Variants in IFI27L1 observed in about 807,000 individuals in gnomAD.
IFI27L1 encodes interferon alpha inducible protein 27 like 1, also known as interferon alpha-inducible protein 27-like protein 1.
A neutral mutation model predicts 9.2 loss-of-function variants in IFI27L1; 3 were observed. The ratio of observed to expected loss-of-function variants is 0.32; its 90% CI spans 0.15 to 0.84. The LOEUF (loss-of-function observed/expected upper bound fraction) is 0.84. Ranked by LOEUF, IFI27L1 falls within the 40% of genes least tolerant of loss-of-function variation. The pLI, the probability that IFI27L1 is intolerant of heterozygous loss-of-function variation, is 0.56. For synonymous variants in IFI27L1, 53 were observed against 50.0 expected (o/e 1.06, Z -0.26); for missense variants, 133 against 134.2 (o/e 0.99, Z 0.05).
At chr14:94,096,227 G>A (rs1886657943) in intron 1 of IFI27L1, among the ~76,000 whole-genome samples, 1 of 152,204 alleles carries the variant, frequency 6.6e-6, no homozygotes, top group African/African-American at 2.4e-5. Context: ...ATACAAGGCT[G>A]TTGAGGGGTT....
chr14:94,100,621 G>T (rs3818118), intron 2 of IFI27L1, 118 bp from the exon 3 acceptor site: 182,129 of 1,581,978 alleles, frequency 0.12, 14,837 homozygotes, highest in East Asian at 0.49. Context: ...TGAGTAGGGG[G>T]CTTCAGAAGA....
At chr14:94,100,865 T>A (rs1886869519) in intron 3 of IFI27L1, 94 bp downstream of exon 3, 18 of 1,364,976 alleles carry the variant, frequency 1.3e-5, no homozygotes, top group Non-Finnish European at 1.8e-5. Flanking sequence ...AAACCCAGGA[T>A]TCTCCAAGAC....
intron 1 of IFI27L1, among the ~76,000 whole-genome samples, chr14:94,083,853 G>A (rs945349359): frequency 3.9e-5 from 6 of 152,186 alleles, no homozygotes; most frequent in African/African-American, 1.4e-4. Flanking sequence ...TATCCAGGAG[G>A]CTGAAGAGGG....
In IFI27L1 at chr14:94,098,001, G is replaced by A. The variant is rs369032278; in HGVS notation, c.28+1036G>A. Among the ~76,000 whole-genome samples, 10 of 152,302 alleles carry A rather than the reference G, an allele frequency of 6.6e-5. No homozygotes were observed. In the South Asian group the frequency reaches 1.0e-3, roughly 16 times the overall value. On this transcript the variant is annotated intron_variant, in intron 2 of 4. Coordinates refer to ENST00000555523, the MANE Select transcript of IFI27L1 (RefSeq NM_206949.3). ...TGGGGCTAAAGCAGGGGAGTCTGAG[G>A]ACGGACCCTGGACACACCCACACTG...
chr14:94,102,462 TC>T lies in IFI27L1; in HGVS notation c.224-14del, dbSNP rs1186412436. ...CCCTCCCTGTGCCCTGTGCTCACCC[TC>T]TCTTCTCCCCCAGGGGCAGCTGGAC... On this transcript the variant is annotated splice_polypyrimidine_tract_variant and intron_variant, in intron 4 of 4. Transcript: ENST00000555523. 6.5e-7 allele frequency: 1 copy of T among 1,543,268 alleles called. No homozygotes were observed. The highest frequency in any genetic ancestry group is 2.3e-5 in the East Asian group (1 of 43,330).
chr14:94,086,640 G>A (rs1181338661), intron 1 of IFI27L1, among the ~76,000 whole-genome samples: 1 of 152,154 alleles, frequency 6.6e-6, no homozygotes, highest in African/African-American at 2.4e-5. Flanking sequence ...GGGAAGTATG[G>A]CAGAGGGAAG....
chr14:94,102,397 C>A (rs945603674), intron 4 of IFI27L1, 80 bp from the exon 5 acceptor site: 14 of 841,668 alleles, frequency 1.7e-5, no homozygotes, highest in Non-Finnish European at 2.6e-5. Context: ...CTGGAGGGAC[C>A]AGGGTCTCTG....
intron 1 of IFI27L1, 37 bp from the exon 2 acceptor site, chr14:94,096,850 A>T: frequency 8.1e-7 from 1 of 1,231,388 alleles, no homozygotes; most frequent in South Asian, 1.2e-5. Context: ...GCTTTATTCA[A>T]ACCAGATCCT....
chr14:94,100,712 T>C, intron 2 of IFI27L1, 27 bp from the exon 3 acceptor site: 1 of 1,610,888 alleles, frequency 6.2e-7, no homozygotes. Context: ...GTTTGTTTGT[T>C]GTTGTTGTTG....
At chr14:94,093,126 A>C (rs1362913081) in intron 1 of IFI27L1, among the ~76,000 whole-genome samples, 1 of 151,912 alleles carries the variant, frequency 6.6e-6, no homozygotes, top group African/African-American at 2.4e-5. Flanking sequence ...GAGGAATTCA[A>C]AATCCTCCTT....
intron 1 of IFI27L1, 85 bp from the exon 2 acceptor site, chr14:94,096,802 A>G (rs1027144402): frequency 6.1e-6 from 4 of 651,958 alleles, no homozygotes; most frequent in East Asian, 2.8e-5. Flanking sequence ...TAATGTTTTT[A>G]TAGTCCCAGG....
intron 1 of IFI27L1, among the ~76,000 whole-genome samples, chr14:94,085,795 C>G (rs768293540): frequency 1.3e-4 from 20 of 152,160 alleles, no homozygotes; most frequent in Non-Finnish European, 2.6e-4. Flanking sequence ...AAAATTCATT[C>G]ATCCCCATTT....
chr14:94,101,533 T>C (rs1390751462), intron 3 of IFI27L1, among the ~76,000 whole-genome samples: 1 of 152,274 alleles, frequency 6.6e-6, no homozygotes, highest in East Asian at 1.9e-4. Context: ...TTTGCTTCAA[T>C]GTATTTATTT....
At position 94,101,809 on chromosome 14, in the gene IFI27L1, C is replaced by CGCAGTTGTG; in HGVS notation, c.62-2_68dup. On this transcript the variant is annotated splice_polypyrimidine_tract_variant and splice_region_variant and intron_variant, in intron 3 of 4. Coordinates refer to ENST00000555523, the MANE Select transcript of IFI27L1 (RefSeq NM_206949.3). ...GGGCCAACCCCAAATCTCCACTTCC[C>CGCAGTTGTG]GCAGTTGTGGCTGTGGGGACTGTGC... 6.2e-7 allele frequency: 1 copy of CGCAGTTGTG among 1,614,176 alleles called. No individual in the cohort carries two copies. The highest frequency in any genetic ancestry group is 1.1e-5 in the South Asian group (1 of 91,086).
intron 1 of IFI27L1, among the ~76,000 whole-genome samples, chr14:94,084,536 C>A (rs961449188): frequency 2.0e-5 from 3 of 152,068 alleles, no homozygotes; most frequent in African/African-American, 7.2e-5. Context: ...GTGCACAAAC[C>A]CAGTCAGATT....
intron 2 of IFI27L1, 53 bp from the exon 3 acceptor site, chr14:94,100,686 C>T (rs3818119): frequency 0.55 from 886,149 of 1,606,854 alleles, 253,424 homozygotes; most frequent in East Asian, 0.92. Flanking sequence ...GTACCCACTC[C>T]CATAGGTTTG....
chr14:94,091,393 A>G (rs1886469238), intron 1 of IFI27L1, among the ~76,000 whole-genome samples: 2 of 152,256 alleles, frequency 1.3e-5, no homozygotes, highest in South Asian at 4.1e-4. Flanking sequence ...GGAGTTTCCC[A>G]TAATTTTAGA....
At chr14:94,099,489 A>C (rs139127813) in intron 2 of IFI27L1, among the ~76,000 whole-genome samples, 1,690 of 152,264 alleles carry the variant, frequency 0.011, 10 homozygotes, top group Middle Eastern at 0.048. Flanking sequence ...GATTGGAGTG[A>C]TGCAGCCACA....
chr14:94,091,705 A>G (rs1172843958), intron 1 of IFI27L1, among the ~76,000 whole-genome samples: 1 of 137,580 alleles, frequency 7.3e-6, no homozygotes, highest in Non-Finnish European at 1.6e-5. Context: ...GAATTTTTTA[A>G]AAGGCAAAAA....
Sources: gnomAD v4.1 joint callset for allele counts (sites outside exome capture counted in the v4.1 genomes callset) on GRCh38, gnomAD v4.1.1 for gene constraint, MANE v1.5 for transcripts, NCBI Gene and HGNC (gene_info 2026-07-23, HGNC 2026-07-21) for gene names.